The following TCF25 variants were observed in gnomAD, a reference collection of about 807,000 sequenced individuals.
TCF25 encodes the protein TCF25 ribosome quality control complex subunit, also known as ribosome quality control complex subunit TCF25.
TCF25 carries 41 observed loss-of-function variants against 83.1 expected under a neutral mutation model. The observed-to-expected ratio is 0.49, with a 90% CI of 0.38 to 0.64. The LOEUF is 0.64. TCF25 is among the 30% of genes least tolerant of loss of function. The pLI is 0.00. For missense variants in TCF25, 979 were observed against 914.5 expected (o/e 1.07, Z -0.91); for synonymous variants, 458 against 365.0 (o/e 1.25, Z -2.90).
At chr16:89,876,550 A>C (rs1008334581) in intron 1 of TCF25, among the ~76,000 whole-genome samples, 1 of 152,130 alleles carries the variant, frequency 6.6e-6, no homozygotes, top group African/African-American at 2.4e-5. Context: ...AGCTCCCAGT[A>C]CTTTGGGAGG....
intron 6 of TCF25, among the ~76,000 whole-genome samples, chr16:89,893,152 A>T (rs2043560221): frequency 6.6e-6 from 1 of 152,200 alleles, no homozygotes; most frequent in African/African-American, 2.4e-5. Flanking sequence ...AGGTATCACT[A>T]CAGGGGACCT....
chr16:89,876,237 G>A (rs906563509), intron 1 of TCF25, among the ~76,000 whole-genome samples: 2 of 152,082 alleles, frequency 1.3e-5, no homozygotes, highest in Admixed American at 6.6e-5. Context: ...GCACACATCA[G>A]TCTTAATTTA....
chr16:89,898,985 G>A lies in TCF25; in HGVS notation c.1221+113G>A, dbSNP rs185971412. The A allele has an allele frequency of 1.1e-4, 116 of 1,023,522 alleles. No homozygotes were observed. The African/African-American group carries it at 1.3e-3, about 11-fold the overall frequency. 63.4% of individuals were successfully genotyped at this position (1,023,522 alleles called of 1,614,324 possible). On this transcript the variant is annotated intron_variant, in intron 11 of 17. Coordinates refer to ENST00000263346, the MANE Select transcript of TCF25 (RefSeq NM_014972.3). The stretch of plus-strand genomic sequence containing the variant: ...GACGTTTGGGGATGAAACGATAATC[G>A]TCTGAGGGCAGAACCACGTCCTCCT...
chr16:89,895,853 G>A (rs1567719598), intron 8 of TCF25, 137 bp from the exon 9 acceptor site: 2 of 706,824 alleles, frequency 2.8e-6, no homozygotes, highest in South Asian at 3.8e-5. Context: ...CCAGGGGCAT[G>A]TCTGCCCTCT....
intron 1 of TCF25, among the ~76,000 whole-genome samples, chr16:89,877,134 C>T (rs1056102722): frequency 7.9e-5 from 12 of 151,364 alleles, no homozygotes; most frequent in African/African-American, 2.4e-4. Context: ...ATAAATAAAT[C>T]GTAATAATAA....
intron 1 of TCF25, among the ~76,000 whole-genome samples, chr16:89,880,946 C>T (rs2042560710): frequency 6.6e-6 from 1 of 152,248 alleles, no homozygotes; most frequent in East Asian, 1.9e-4. Context: ...AAGGAGGCAT[C>T]ACCATGAGAA....
At chr16:89,896,173 G>A in intron 9 of TCF25, 90 bp downstream of exon 9, 1 of 1,255,074 alleles carries the variant, frequency 8.0e-7, no homozygotes, top group Non-Finnish European at 1.1e-6. Context: ...CCTCATGGCT[G>A]CCCTCCAGGG....
At chr16:89,909,343 C>G (rs1567748063) in intron 16 of TCF25, 1 of 357,298 alleles carries the variant, frequency 2.8e-6, no homozygotes, top group African/African-American at 2.1e-5. Flanking sequence ...AAACCCGTCT[C>G]TACTAAAATA....
chr16:89,911,199 G>A lies in TCF25; in HGVS notation c.1992G>A (p.Pro664=), dbSNP rs113661357. 4.0e-5 allele frequency: 65 copies of A among 1,612,440 alleles called. No individual in the cohort carries two copies. Among genetic ancestry groups the A allele is most frequent in the African/African-American group, 3.3e-4 (25 of 75,030 alleles). ...TCCACCTCAACGACCTGGAGGCGCCGCACGAGGACGACGCTGAGGGGGAGG... is the reference window on the plus strand; with the variant it reads ...TCCACCTCAACGACCTGGAGGCGCCACACGAGGACGACGCTGAGGGGGAGG... ...ANFHLNDLEA[P]HEDDAEGEGE... is the part of the protein sequence containing the mutation. Residue 664 remains proline, a synonymous_variant, in exon 18 of 18, where the codon CCG becomes CCA. Coordinates refer to ENST00000263346, the MANE Select transcript of TCF25 (RefSeq NM_014972.3).
rs760283730 is a variant in TCF25 at position 89,898,551 on chromosome 16, A to G, written c.1023-6A>G. 1.3e-6 allele frequency: 2 copies of G among 1,596,438 alleles called. No individual in the cohort carries two copies. The highest frequency in any genetic ancestry group is 2.2e-5 in the South Asian group (2 of 90,522). ...TGTAATTCATGTGGAACTATTTTGG[A>G]TCTAGGAGCTTCTACCTGGCCCTCT... On this transcript the variant is annotated splice_region_variant and splice_polypyrimidine_tract_variant and intron_variant, in intron 9 of 17. Coordinates refer to ENST00000263346, the MANE Select transcript of TCF25 (RefSeq NM_014972.3).
rs552160724 is a variant in TCF25, at chr16:89,911,279, C to A, written c.*41C>A. ...ACCGAAAAGCCGTATGATGATGTTC[C>A]CGATTTCTCTGTTGGTCGGAGTCGG... On this transcript the variant is annotated 3_prime_UTR_variant, in exon 18 of 18. Coordinates refer to ENST00000263346, the MANE Select transcript of TCF25 (RefSeq NM_014972.3). 7.5e-6 allele frequency: 12 copies of A among 1,602,378 alleles called. No homozygotes were observed. The highest frequency in any genetic ancestry group is 1.0e-5 in the Non-Finnish European group (12 of 1,171,862).
intron 4 of TCF25, among the ~76,000 whole-genome samples, 197 bp from the exon 5 acceptor site, chr16:89,887,455 G>A (rs1168803957): frequency 1.3e-5 from 2 of 152,236 alleles, no homozygotes; most frequent in African/African-American, 4.8e-5. Context: ...GCACAGTGAC[G>A]GCAGCTTCCC....
intron 5 of TCF25, among the ~76,000 whole-genome samples, chr16:89,888,840 A>ATTT (rs34444102): frequency 4.5e-5 from 5 of 109,902 alleles, no homozygotes; most frequent in African/African-American, 1.2e-4. Flanking sequence ...CGCCCAGCTA[A>ATTT]TTTTTTTTTT....
intron 15 of TCF25, 120 bp from the exon 16 acceptor site, chr16:89,907,123 T>G (rs2044858326): frequency 2.0e-6 from 2 of 990,090 alleles, no homozygotes; most frequent in South Asian, 2.8e-5. Context: ...TCAGACTCTG[T>G]GGCTATCTCT....
At chr16:89,885,518 A>AG (rs2042937808) in intron 3 of TCF25, among the ~76,000 whole-genome samples, 1 of 152,282 alleles carries the variant, frequency 6.6e-6, no homozygotes, top group African/African-American at 2.4e-5. Flanking sequence ...CTGTGTCCTG[A>AG]GACAAGGGTG....
chr16:89,891,007 C>G (rs2043385967), intron 5 of TCF25, among the ~76,000 whole-genome samples: 2 of 152,118 alleles, frequency 1.3e-5, no homozygotes, highest in South Asian at 4.1e-4. Flanking sequence ...CTCTCAGAAG[C>G]TCAGAATAAC....
At chr16:89,894,921 AG>A in intron 7 of TCF25, 116 bp from the exon 8 acceptor site, 1 of 769,364 alleles carries the variant, frequency 1.3e-6, no homozygotes, top group Non-Finnish European at 2.1e-6. Context: ...GTGGGATTAC[AG>A]GCGTGAGCCA....
chr16:89,901,268 G>A (rs934168529), intron 12 of TCF25, among the ~76,000 whole-genome samples: 1 of 152,286 alleles, frequency 6.6e-6, no homozygotes, highest in Non-Finnish European at 1.5e-5. Context: ...CCACGCACAT[G>A]TGGCGGGCAC....
At chr16:89,908,479 G>C (rs2144324946) in intron 16 of TCF25, among the ~76,000 whole-genome samples, 4 of 89,770 alleles carry the variant, frequency 4.5e-5, no homozygotes, top group Admixed American at 1.2e-4. Flanking sequence ...CCACCTGCCA[G>C]CTCCCACCTC....
Sources: gnomAD v4.1 joint callset for allele counts (sites outside exome capture counted in the v4.1 genomes callset) on GRCh38, gnomAD v4.1.1 for gene constraint, MANE v1.5 for transcripts, NCBI Gene and HGNC (gene_info 2026-07-23, HGNC 2026-07-21) for gene names.